ZNF804B: variants seen among roughly 807,000 people sequenced by gnomAD.
ZNF804B encodes the protein zinc finger 804B.
Under a neutral mutation model 101.4 loss-of-function variants are expected in ZNF804B, and 80 were observed. That is an observed-to-expected ratio of 0.79 (90% CI 0.66 to 0.95). The LOEUF (loss-of-function observed/expected upper bound fraction) is 0.95, where lower values mean the gene tolerates loss of function less well. ZNF804B is among the 40% of genes least tolerant of loss of function. The probability of loss-of-function intolerance (pLI) is 0.00; values close to 1 mark genes in which losing one functional copy is unlikely to be tolerated. For missense variants in ZNF804B, 1,673 were observed against 1,561.9 expected (o/e 1.07, Z -1.20); for synonymous variants, 622 against 558.8 (o/e 1.11, Z -1.59).
intron 1 of ZNF804B, among the ~76,000 whole-genome samples, chr7:89,136,485 A>T (rs1283188740): frequency 6.6e-6 from 1 of 151,922 alleles, no homozygotes; most frequent in Non-Finnish European, 1.5e-5. Flanking sequence ...CATCTTTCTA[A>T]ACTGAAACTC....
intron 1 of ZNF804B, among the ~76,000 whole-genome samples, chr7:88,803,902 G>A (rs1790645910): frequency 6.6e-6 from 1 of 152,098 alleles, no homozygotes; most frequent in South Asian, 2.1e-4. Flanking sequence ...GGAACATCCA[G>A]TTTTAGGGAG....
chr7:89,321,646 A>T (rs1197800469), intron 2 of ZNF804B, among the ~76,000 whole-genome samples: 1 of 152,052 alleles, frequency 6.6e-6, no homozygotes, highest in African/African-American at 2.4e-5. Flanking sequence ...AAGAGAGAAA[A>T]GAGCAGATTC....
At chr7:89,066,220 C>A (rs1310581413) in intron 1 of ZNF804B, among the ~76,000 whole-genome samples, 1 of 149,206 alleles carries the variant, frequency 6.7e-6, no homozygotes, top group Admixed American at 6.7e-5. Context: ...ACAGTCACAG[C>A]GTGTATTTTT....
intron 1 of ZNF804B, among the ~76,000 whole-genome samples, chr7:89,216,866 T>C (rs1335317040): frequency 1.3e-5 from 2 of 152,198 alleles, no homozygotes; most frequent in African/African-American, 4.8e-5. Flanking sequence ...AAAGATAAAA[T>C]CCATTCTTTA....
intron 1 of ZNF804B, among the ~76,000 whole-genome samples, chr7:88,766,340 G>C (rs549296302): frequency 6.6e-6 from 1 of 151,998 alleles, no homozygotes; most frequent in South Asian, 2.1e-4. Context: ...CATAAAAGGG[G>C]GTTTTGATTT....
At chr7:89,014,669 T>A (rs1365281209) in intron 1 of ZNF804B, among the ~76,000 whole-genome samples, 1 of 152,232 alleles carries the variant, frequency 6.6e-6, no homozygotes, top group African/African-American at 2.4e-5. Flanking sequence ...CTGAGAAATG[T>A]CTGTTCAGAT....
At chr7:89,090,574 A>G (rs1789868595) in intron 1 of ZNF804B, among the ~76,000 whole-genome samples, 1 of 152,026 alleles carries the variant, frequency 6.6e-6, no homozygotes, top group South Asian at 2.1e-4. Context: ...TAGCCTCATG[A>G]TGATTATTGG....
intron 1 of ZNF804B, among the ~76,000 whole-genome samples, chr7:89,155,815 C>A (rs766813931): frequency 3.9e-5 from 6 of 152,004 alleles, no homozygotes; most frequent in Non-Finnish European, 8.8e-5. Flanking sequence ...TGCTTTTTTT[C>A]TTCCCAGCAC....
intron 2 of ZNF804B, among the ~76,000 whole-genome samples, chr7:89,230,920 C>A (rs891377322): frequency 6.6e-6 from 1 of 151,958 alleles, no homozygotes; most frequent in Non-Finnish European, 1.5e-5. Context: ...ACAAATTGTG[C>A]TAATTTTTCT....
In ZNF804B at chr7:89,096,658, G is replaced by A. The variant is rs190928982; in HGVS notation, c.109-121497G>A. On this transcript the variant is annotated intron_variant, in intron 1 of 3. Transcript: ENST00000333190. ...TGATATGCATGATATTTCAAAAACA[G>A]ATGTCATAATCTTTTCTTTGTTTTT... Among the ~76,000 whole-genome samples the A allele has an allele frequency of 1.7e-3, 253 of 152,300 alleles. 3 individuals are homozygous for A. The highest frequency in any genetic ancestry group is 4.0e-4 in the Non-Finnish European group (27 of 68,024).
intron 1 of ZNF804B, among the ~76,000 whole-genome samples, chr7:89,064,296 T>G (rs1562874431): frequency 6.6e-6 from 1 of 152,160 alleles, no homozygotes; most frequent in Non-Finnish European, 1.5e-5. Flanking sequence ...AAACAATCCC[T>G]TAAGGGCAAA....
At chr7:89,204,872 C>A (rs1209297349) in intron 1 of ZNF804B, among the ~76,000 whole-genome samples, 1 of 152,070 alleles carries the variant, frequency 6.6e-6, no homozygotes, top group Non-Finnish European at 1.5e-5. Flanking sequence ...TAAATAGTTT[C>A]TCTTATTATT....
intron 2 of ZNF804B, among the ~76,000 whole-genome samples, chr7:89,278,604 A>G (rs937282257): frequency 4.6e-5 from 7 of 152,020 alleles, no homozygotes; most frequent in African/African-American, 1.2e-4. Flanking sequence ...TTATTAAATA[A>G]GGAATCCTTT....
chr7:89,295,702 A>T (rs1479838136), intron 2 of ZNF804B, among the ~76,000 whole-genome samples: 1 of 152,166 alleles, frequency 6.6e-6, no homozygotes, highest in African/African-American at 2.4e-5. Context: ...TCCTAAAAAT[A>T]TATTTGACTT....
At chr7:88,961,080 C>T (rs937328834) in intron 1 of ZNF804B, among the ~76,000 whole-genome samples, 3 of 151,284 alleles carry the variant, frequency 2.0e-5, no homozygotes, top group Non-Finnish European at 4.4e-5. Flanking sequence ...GAATCAAAAC[C>T]TCTGATTCTA....
chr7:88,759,820 G>A lies in ZNF804B; in HGVS notation c.-157G>A, dbSNP rs534826525. 4.2e-4 allele frequency: 262 copies of A among 623,610 alleles called. No individual in the cohort carries two copies. The highest frequency in any genetic ancestry group is 6.5e-4 in the Non-Finnish European group (230 of 352,598). The allele number at this position is 623,610 out of a possible 1,614,324, so 38.6% of individuals were successfully genotyped here. On this transcript the variant is annotated 5_prime_UTR_variant, in exon 1 of 4. Coordinates refer to ENST00000333190, the MANE Select transcript of ZNF804B (RefSeq NM_181646.5). ...CGGCAGCAGGAGCCCCGCACGGGGCGCGGAGCAGGGACGCGCTGCCACCGC... is the reference window on the plus strand; with the variant it reads ...CGGCAGCAGGAGCCCCGCACGGGGCACGGAGCAGGGACGCGCTGCCACCGC...
chr7:89,092,049 CA>C (rs1789896869), intron 1 of ZNF804B, among the ~76,000 whole-genome samples: 1 of 152,156 alleles, frequency 6.6e-6, no homozygotes, highest in East Asian at 1.9e-4. Context: ...GCCATATAAA[CA>C]ACAAACATTT....
chr7:88,867,750 G>A (rs751087080), intron 1 of ZNF804B, among the ~76,000 whole-genome samples: 1 of 152,082 alleles, frequency 6.6e-6, no homozygotes, highest in Non-Finnish European at 1.5e-5. Flanking sequence ...ATTTTATTGA[G>A]TTCTTATATA....
intron 2 of ZNF804B, among the ~76,000 whole-genome samples, chr7:89,234,335 A>C (rs1431784160): frequency 6.6e-6 from 1 of 151,940 alleles, no homozygotes; most frequent in East Asian, 1.9e-4. Context: ...GAAGTGTATT[A>C]AATTGACTAC....
Sources: allele counts gnomAD v4.1 joint callset (sites outside exome capture counted in the v4.1 genomes callset), GRCh38; gene constraint gnomAD v4.1.1; transcripts MANE v1.5; gene names NCBI Gene and HGNC (gene_info 2026-07-23, HGNC 2026-07-21).